Variants in SYNE1 observed in about 807,000 individuals in gnomAD.
SYNE1 encodes the protein nesprin-1.
A neutral mutation model predicts 1,111.0 loss-of-function variants in SYNE1; 616 were observed. The observed-to-expected ratio is 0.55, with a 90% CI of 0.52 to 0.59. The LOEUF (loss-of-function observed/expected upper bound fraction) is 0.59, where lower values mean the gene tolerates loss of function less well. Ranked by LOEUF, SYNE1 falls within the 20% of genes least tolerant of loss-of-function variation. SYNE1 has a pLI of 0.00. For synonymous variants in SYNE1, 3,855 were observed against 3,825.8 expected (o/e 1.01, Z -0.28); for missense variants, 10,006 against 10,417.0 (o/e 0.96, Z 1.72).
intron 66 of SYNE1, among the ~76,000 whole-genome samples, chr6:152,356,077 A>G (rs1031324609): frequency 6.6e-6 from 1 of 152,134 alleles, no homozygotes; most frequent in Non-Finnish European, 1.5e-5. Flanking sequence ...ATAATTTTTT[A>G]TAATTATTTT....
chr6:152,179,483 A>AT (rs2067317057), intron 129 of SYNE1: 1 of 146,150 alleles, frequency 6.8e-6, no homozygotes. Flanking sequence ...ACAAAAAAAA[A>AT]TACACAAAAA....
chr6:152,215,657 G>A (rs1299721836), intron 121 of SYNE1, among the ~76,000 whole-genome samples: 1 of 152,110 alleles, frequency 6.6e-6, no homozygotes, highest in Non-Finnish European at 1.5e-5. Context: ...GATAGCTAAC[G>A]TTTATTGAGC....
intron 91 of SYNE1, among the ~76,000 whole-genome samples, chr6:152,307,121 C>A (rs1264946925): frequency 6.6e-6 from 1 of 152,100 alleles, no homozygotes; most frequent in Non-Finnish European, 1.5e-5. Context: ...TATAGACCTA[C>A]ATAAACAGTG....
chr6:152,262,895 G>A (rs1023245596), intron 100 of SYNE1, among the ~76,000 whole-genome samples: 2 of 151,774 alleles, frequency 1.3e-5, no homozygotes, highest in African/African-American at 2.4e-5. Context: ...TACAGGGCAC[G>A]GAGGGATAGT....
At chr6:152,363,023 T>C (rs376491259) in intron 63 of SYNE1, among the ~76,000 whole-genome samples, 2 of 150,914 alleles carry the variant, frequency 1.3e-5, no homozygotes, top group Non-Finnish European at 3.0e-5. Context: ...TGGGACTACA[T>C]GCCCCCGCCA....
intron 8 of SYNE1, among the ~76,000 whole-genome samples, chr6:152,509,477 G>A (rs1303687422): frequency 3.9e-5 from 6 of 151,932 alleles, no homozygotes; most frequent in African/African-American, 9.7e-5. Flanking sequence ...GGCTGGTCTC[G>A]ATCTCCTGAC....
At chr6:152,339,122 G>T in intron 75 of SYNE1, 119 bp downstream of exon 75, 2 of 1,312,258 alleles carry the variant, frequency 1.5e-6, no homozygotes, top group East Asian at 2.5e-5. Flanking sequence ...AATGGCTGTA[G>T]AACCATTACA....
intron 93 of SYNE1, among the ~76,000 whole-genome samples, chr6:152,299,532 T>C (rs1390593335): frequency 1.3e-5 from 2 of 152,192 alleles, no homozygotes; most frequent in African/African-American, 2.4e-5. Context: ...CCTTCTCAGC[T>C]GCATCCTCAG....
At chr6:152,354,027 C>A (rs1337110256) in intron 67 of SYNE1, among the ~76,000 whole-genome samples, 1 of 152,144 alleles carries the variant, frequency 6.6e-6, no homozygotes, top group Admixed American at 6.5e-5. Context: ...GTAGTCCCAG[C>A]TGCTTGGGAG....
Position 152,511,043 on chromosome 6 carries a change from C to T in SYNE1, c.370G>A (p.Gly124Arg). ...IADGRPSIVLGLMWTIILYFQ... is the reference protein window; with the variant it reads ...IADGRPSIVLRLMWTIILYFQ... Reference sequence around the variant, plus strand: ...TATAGAATAATGGTCCACATCAATCCAAGAACTATTGAGGGTCGGCCATCA... The same window carrying T: ...TATAGAATAATGGTCCACATCAATCTAAGAACTATTGAGGGTCGGCCATCA... Residue 124 changes from glycine (G) to arginine (R), a missense_variant, in exon 7 of 146, where the codon GGA becomes AGA. Gly to Arg is a moderately radical substitution (Grantham distance 125, BLOSUM62 -2). This residue lies in a region of SYNE1 where 1,971 missense variants were observed against 2,084.1 expected (regional missense o/e 0.95). Coordinates refer to ENST00000367255, the MANE Select transcript of SYNE1 (RefSeq NM_182961.4). 6.2e-7 allele frequency: 1 copy of T among 1,613,922 alleles called. No individual in the cohort carries two copies. Among genetic ancestry groups the T allele is most frequent in the Non-Finnish European group, 8.5e-7 (1 of 1,179,912 alleles).
intron 131 of SYNE1, among the ~76,000 whole-genome samples, chr6:152,157,939 A>G (rs2061695699): frequency 1.3e-5 from 2 of 151,864 alleles, no homozygotes; most frequent in South Asian, 4.2e-4. Context: ...TTGTGTTTTT[A>G]GTAGAGACGG....
At chr6:152,280,137 C>T in intron 97 of SYNE1, among the ~76,000 whole-genome samples, 1 of 152,122 alleles carries the variant, frequency 6.6e-6, no homozygotes. Context: ...GGTTCCAATT[C>T]TGTGTAATAG....
At chr6:152,172,728 G>A (rs913985202) in intron 130 of SYNE1, among the ~76,000 whole-genome samples, 1 of 152,150 alleles carries the variant, frequency 6.6e-6, no homozygotes, top group Non-Finnish European at 1.5e-5. Flanking sequence ...TTAGAGTGAT[G>A]CGTCACCAAT....
intron 6 of SYNE1, among the ~76,000 whole-genome samples, chr6:152,518,936 A>G (rs1424585977): frequency 1.3e-5 from 2 of 149,444 alleles, no homozygotes; most frequent in Non-Finnish European, 3.0e-5. Flanking sequence ...CAATTGAACA[A>G]TGAGAGCACA....
intron 42 of SYNE1, among the ~76,000 whole-genome samples, chr6:152,411,729 C>A (rs576882329): frequency 2.6e-3 from 222 of 87,030 alleles, no homozygotes; most frequent in East Asian, 5.9e-3. Context: ...ACACACACAC[C>A]CCCACACACA....
At chr6:152,409,261 T>G (rs886109575) in intron 43 of SYNE1, 35 bp from the exon 44 acceptor site, 2 of 1,599,964 alleles carry the variant, frequency 1.3e-6, no homozygotes, top group Non-Finnish European at 1.7e-6. Context: ...AATAAAATAG[T>G]CAGTGATAAG....
intron 133 of SYNE1, among the ~76,000 whole-genome samples, 156 bp downstream of exon 133, chr6:152,154,736 C>T (rs987496664): frequency 2.0e-5 from 3 of 152,012 alleles, no homozygotes; most frequent in Non-Finnish European, 2.9e-5. Flanking sequence ...CGTATGACTA[C>T]GTATGAGGTC....
At chr6:152,230,433 C>A in intron 115 of SYNE1, 114 bp downstream of exon 115, 4 of 1,167,886 alleles carry the variant, frequency 3.4e-6, no homozygotes, top group South Asian at 2.8e-5. Flanking sequence ...TTACTAAATG[C>A]AACTTTTAAA....
At chr6:152,185,958 C>T (rs977656374) in intron 128 of SYNE1, among the ~76,000 whole-genome samples, 2 of 152,140 alleles carry the variant, frequency 1.3e-5, no homozygotes, top group African/African-American at 4.8e-5. Context: ...CATTATTTTA[C>T]ACTAAGAGAA....
Sources: allele counts gnomAD v4.1 joint callset (sites outside exome capture counted in the v4.1 genomes callset), GRCh38; gene constraint gnomAD v4.1.1; regional missense constraint gnomAD v4.1.1; transcripts MANE v1.5; gene names NCBI Gene and HGNC (gene_info 2026-07-23, HGNC 2026-07-21).